The following DLGAP1 variants were observed in gnomAD, a reference collection of about 807,000 sequenced individuals.
The protein encoded by DLGAP1 is DLG associated protein 1, also known as disks large-associated protein 1.
In DLGAP1, 11 loss-of-function variants were observed where a neutral mutation model predicts 90.8. The ratio of observed to expected loss-of-function variants is 0.12; its 90% CI spans 0.08 to 0.20. The LOEUF is 0.20. Among genes scored for constraint, DLGAP1 ranks in the 10% least tolerant of loss-of-function variants. DLGAP1 has a pLI of 1.00. For synonymous variants in DLGAP1, 558 were observed against 540.7 expected (o/e 1.03, Z -0.44); for missense variants, 1,050 against 1,333.8 (o/e 0.79, Z 3.31).
intron 10 of DLGAP1, among the ~76,000 whole-genome samples, chr18:3,519,246 T>A (rs912537658): frequency 2.6e-5 from 4 of 152,188 alleles, no homozygotes; most frequent in Admixed American, 2.6e-4. Flanking sequence ...AAGGTCCACC[T>A]TCAGGTACAG....
At chr18:3,815,458 C>T (rs1015638186) in intron 4 of DLGAP1, among the ~76,000 whole-genome samples, 8 of 152,138 alleles carry the variant, frequency 5.3e-5, no homozygotes, top group African/African-American at 1.9e-4. Flanking sequence ...AAGTTTCTCC[C>T]CTTTTGGCCT....
intron 1 of DLGAP1, among the ~76,000 whole-genome samples, chr18:4,159,111 T>C (rs2076803383): frequency 6.6e-6 from 1 of 152,158 alleles, no homozygotes; most frequent in Non-Finnish European, 1.5e-5. Context: ...AATTGCACAT[T>C]ATTTCTTTAA....
intron 2 of DLGAP1, among the ~76,000 whole-genome samples, chr18:4,100,943 T>C (rs2075769890): frequency 6.6e-6 from 1 of 152,234 alleles, no homozygotes; most frequent in African/African-American, 2.4e-5. Flanking sequence ...CTTAAGGGAA[T>C]GTTGTGGCTG....
At position 3,499,954 on chromosome 18, in the gene DLGAP1, C is replaced by T. The variant is rs192968748; in HGVS notation, c.2725-560G>A. ...GTGTTCTTTAGCTTTGTTGGTGCTA[C>T]ACCAGGTTAGACCCTTTTGCACACC... On this transcript the variant is annotated intron_variant, in intron 12 of 12. Transcript: ENST00000315677. This position sits in a 1 kb window ranked among gnomAD's most constrained non-coding sequence, Gnocchi z 6.4. 6.6e-6 allele frequency among the ~76,000 whole-genome samples: 1 copy of T among 152,290 alleles called. No individual in the cohort carries two copies. The highest frequency in any genetic ancestry group is 1.9e-4 in the East Asian group (1 of 5,184).
At chr18:3,772,396 C>CTTTCTTTCTTTCT (rs2064708308) in intron 5 of DLGAP1, among the ~76,000 whole-genome samples, 2 of 45,678 alleles carry the variant, frequency 4.4e-5, no homozygotes, top group African/African-American at 1.3e-4. Flanking sequence ...TTCTTTCTTT[C>CTTTCTTTCTTTCT]TTTCTTTCTT....
chr18:3,650,342 T>C (rs1225399421), intron 7 of DLGAP1, among the ~76,000 whole-genome samples: 3 of 152,178 alleles, frequency 2.0e-5, no homozygotes, highest in East Asian at 1.9e-4. Context: ...CCGTGCCTGG[T>C]TGAAACATTT....
rs1186426563 is a variant in DLGAP1, at chr18:3,720,888, C to CAAAAAAA, written c.1591+8240_1591+8246dup. Among the ~76,000 whole-genome samples, 122 of 50,306 alleles carry CAAAAAAA rather than the reference C, an allele frequency of 2.4e-3. 8 individuals carry two copies. Among genetic ancestry groups the CAAAAAAA allele is most frequent in the African/African-American group, 8.6e-3 (107 of 12,488 alleles). 33.0% of individuals were successfully genotyped at this position (50,306 alleles called of 152,430 possible). ...GCAACATACTAAGACCTTGTCTCTA[C>CAAAAAAA]AAAAAAAAAAAAAAAAAAAAATTAG... On this transcript the variant is annotated intron_variant, in intron 7 of 12. Coordinates refer to ENST00000315677, the MANE Select transcript of DLGAP1 (RefSeq NM_004746.4).
At chr18:4,443,985 A>G (rs9957143) in intron 1 of DLGAP1, among the ~76,000 whole-genome samples, 2,243 of 152,336 alleles carry the variant, frequency 0.015, 53 homozygotes, top group African/African-American at 0.052. Flanking sequence ...TGTTCCAGTT[A>G]TGTTTTGCAC....
chr18:3,768,589 A>G (rs1027205874), intron 5 of DLGAP1, among the ~76,000 whole-genome samples: 1 of 152,148 alleles, frequency 6.6e-6, no homozygotes, highest in African/African-American at 2.4e-5. Flanking sequence ...TATTGGTGAA[A>G]GGGTAGGAAC....
At chr18:3,706,025 C>T (rs2061422527) in intron 7 of DLGAP1, among the ~76,000 whole-genome samples, 1 of 146,166 alleles carries the variant, frequency 6.8e-6, no homozygotes, top group African/African-American at 2.6e-5. Context: ...ACTCTGTCGC[C>T]CAGGCTGGAT....
At chr18:3,737,132 G>A (rs2062679411) in intron 6 of DLGAP1, among the ~76,000 whole-genome samples, 1 of 146,328 alleles carries the variant, frequency 6.8e-6, no homozygotes, top group Non-Finnish European at 1.5e-5. Context: ...ATAATCAATA[G>A]CTTACCAACC....
At chr18:3,863,442 A>C (rs2070202366) in intron 4 of DLGAP1, among the ~76,000 whole-genome samples, 1 of 152,186 alleles carries the variant, frequency 6.6e-6, no homozygotes, top group Admixed American at 6.5e-5. Flanking sequence ...AGGTGTTATA[A>C]TCTGGAGATA....
chr18:4,050,639 A>G (rs1392593114), intron 2 of DLGAP1, among the ~76,000 whole-genome samples: 2 of 152,254 alleles, frequency 1.3e-5, no homozygotes, highest in African/African-American at 4.8e-5. Flanking sequence ...CTATATTTTT[A>G]AACAGGTTAA....
At chr18:3,794,641 A>C (rs1427901979) in intron 5 of DLGAP1, among the ~76,000 whole-genome samples, 1 of 152,182 alleles carries the variant, frequency 6.6e-6, no homozygotes, top group African/African-American at 2.4e-5. Context: ...AATGGGATTG[A>C]GTCATTCATG....
chr18:3,900,777 T>C (rs8098523), intron 3 of DLGAP1, among the ~76,000 whole-genome samples: 219 of 152,294 alleles, frequency 1.4e-3, no homozygotes, highest in African/African-American at 5.1e-3. Context: ...TGTGGGAGTT[T>C]GATGTAACAG....
intron 1 of DLGAP1, among the ~76,000 whole-genome samples, chr18:4,296,269 T>A (rs2079978859): frequency 9.1e-6 from 1 of 109,794 alleles, no homozygotes; most frequent in Non-Finnish European, 2.1e-5. Context: ...TAACTCACCT[T>A]TATAACTCTC....
intron 1 of DLGAP1, among the ~76,000 whole-genome samples, chr18:4,344,556 T>C (rs2143897560): frequency 6.6e-6 from 1 of 152,304 alleles, no homozygotes; most frequent in Middle Eastern, 3.4e-3. Context: ...GAGAAAAGTA[T>C]TACGGTCAAG....
intron 7 of DLGAP1, among the ~76,000 whole-genome samples, chr18:3,659,245 A>G (rs2059598286): frequency 6.6e-6 from 1 of 152,156 alleles, no homozygotes; most frequent in Non-Finnish European, 1.5e-5. Context: ...GTTTTTAAAA[A>G]TTTTGAATAT....
intron 4 of DLGAP1, among the ~76,000 whole-genome samples, chr18:3,849,486 A>AT (rs2069213599): frequency 6.6e-6 from 1 of 152,134 alleles, no homozygotes; most frequent in Non-Finnish European, 1.5e-5. Flanking sequence ...TACTAGATGC[A>AT]TAGGGGAGTG....
Sources: allele counts gnomAD v4.1 joint callset (sites outside exome capture counted in the v4.1 genomes callset), GRCh38; gene constraint gnomAD v4.1.1; non-coding constraint Gnocchi (gnomAD v3.1); transcripts MANE v1.5; gene names NCBI Gene and HGNC (gene_info 2026-07-23, HGNC 2026-07-21).